The following SGCZ variants were observed in gnomAD, a reference collection of about 807,000 sequenced individuals.
SGCZ encodes zeta-sarcoglycan.
Under a neutral mutation model 41.3 loss-of-function variants are expected in SGCZ, and 40 were observed. The observed-to-expected ratio is 0.97, with a 90% CI of 0.75 to 1.26. The LOEUF is 1.26. SGCZ is among the 50% of genes most tolerant of loss of function. The pLI, the probability that SGCZ is intolerant of heterozygous loss-of-function variation, is 0.00. For synonymous variants in SGCZ, 206 were observed against 137.5 expected, an observed-to-expected ratio of 1.50 and a Z score of -3.49; for missense variants, 552 against 369.8, an observed-to-expected ratio of 1.49 and a Z score of -4.04.
chr8:15,133,616 C>A (rs1219669492), intron 1 of SGCZ, among the ~76,000 whole-genome samples: 1 of 152,208 alleles, frequency 6.6e-6, no homozygotes, highest in Non-Finnish European at 1.5e-5. Flanking sequence ...AAAACAAAAT[C>A]TGCCACATAA....
chr8:15,100,794 G>A lies in SGCZ; in HGVS notation c.39+136791C>T, dbSNP rs567116962. Among the ~76,000 whole-genome samples the A allele has an allele frequency of 8.5e-5, 13 of 152,172 alleles. No individual in the cohort carries two copies. The South Asian group carries it at 2.7e-3, about 32-fold the overall frequency. ...CCCCAGAAATTCAAGTCCGGCCTGGGCAATGAAGTGAGACCCTGTCTCTAC... is the reference window on the plus strand; with the variant it reads ...CCCCAGAAATTCAAGTCCGGCCTGGACAATGAAGTGAGACCCTGTCTCTAC... On this transcript the variant is annotated intron_variant, in intron 1 of 7. Transcript: ENST00000382080.
chr8:14,463,529 A>G (rs1199268251), intron 2 of SGCZ, among the ~76,000 whole-genome samples: 2 of 151,668 alleles, frequency 1.3e-5, no homozygotes, highest in Non-Finnish European at 3.0e-5. Context: ...ATCTAAAACT[A>G]TAAAATTTTT....
chr8:14,100,894 C>T (rs1377202948), intron 7 of SGCZ, among the ~76,000 whole-genome samples: 1 of 151,606 alleles, frequency 6.6e-6, no homozygotes, highest in Non-Finnish European at 1.5e-5. Flanking sequence ...CTCAATTTGA[C>T]CTTTGTGGGC....
intron 2 of SGCZ, among the ~76,000 whole-genome samples, chr8:14,340,076 A>C (rs1554502637): frequency 6.6e-6 from 1 of 152,196 alleles, no homozygotes; most frequent in Non-Finnish European, 1.5e-5. Context: ...AAAATAAAGC[A>C]AAATCTGCTG....
At chr8:14,389,247 G>A (rs893608024) in intron 2 of SGCZ, among the ~76,000 whole-genome samples, 1 of 151,774 alleles carries the variant, frequency 6.6e-6, no homozygotes, top group African/African-American at 2.4e-5. Flanking sequence ...ACGACTGAGA[G>A]TATAATTTGA....
intron 3 of SGCZ, among the ~76,000 whole-genome samples, chr8:14,241,224 A>G (rs1585268548): frequency 6.6e-6 from 1 of 152,010 alleles, no homozygotes; most frequent in Non-Finnish European, 1.5e-5. Context: ...TTGAAAGCGA[A>G]TATGTGGTTT....
chr8:15,021,578 C>G (rs12550664), intron 1 of SGCZ, among the ~76,000 whole-genome samples: 1 of 151,948 alleles, frequency 6.6e-6, no homozygotes, highest in East Asian at 1.9e-4. Flanking sequence ...TCTACTGAAA[C>G]ACTGTATGGG....
intron 1 of SGCZ, among the ~76,000 whole-genome samples, chr8:15,003,800 C>G (rs1802508108): frequency 6.6e-6 from 1 of 152,014 alleles, no homozygotes; most frequent in African/African-American, 2.4e-5. Context: ...TGCCCAGGCC[C>G]AGTGAGTAAT....
chr8:14,285,219 C>G (rs543768359), intron 3 of SGCZ, among the ~76,000 whole-genome samples: 1 of 152,078 alleles, frequency 6.6e-6, no homozygotes, highest in Non-Finnish European at 1.5e-5. Flanking sequence ...ATATATGTGT[C>G]ATTTCATTCA....
intron 1 of SGCZ, among the ~76,000 whole-genome samples, chr8:15,184,326 C>T (rs566906654): frequency 6.6e-6 from 1 of 152,038 alleles, no homozygotes. Context: ...AGTTAGGACA[C>T]GAACATGCAA....
intron 1 of SGCZ, among the ~76,000 whole-genome samples, chr8:14,770,469 T>C (rs916290782): frequency 2.6e-5 from 4 of 151,786 alleles, no homozygotes; most frequent in African/African-American, 9.7e-5. Flanking sequence ...AACTCATGTA[T>C]GATTGCCATA....
At chr8:14,551,459 ATATATTATATATAT>A (rs1458041119) in intron 2 of SGCZ, among the ~76,000 whole-genome samples, 813 of 7,544 alleles carry the variant, frequency 0.11, 140 homozygotes, top group East Asian at 0.38. Flanking sequence ...TATATATTAT[ATATATTATATATAT>A]TATATATTAT....
intron 4 of SGCZ, among the ~76,000 whole-genome samples, chr8:14,221,956 G>A (rs1402498388): frequency 4.7e-5 from 7 of 149,068 alleles, no homozygotes; most frequent in Non-Finnish European, 7.4e-5. Flanking sequence ...GTGAGACTCT[G>A]TCTCAAAAGA....
At chr8:15,116,968 T>G (rs1016691368) in intron 1 of SGCZ, among the ~76,000 whole-genome samples, 1 of 152,222 alleles carries the variant, frequency 6.6e-6, no homozygotes, top group East Asian at 1.9e-4. Flanking sequence ...CATTTATGAA[T>G]TTTTATGCCA....
chr8:14,313,487 T>C lies in SGCZ; in HGVS notation c.336+10616A>G, dbSNP rs562635385. Among the ~76,000 whole-genome samples, 6 of 152,142 alleles carry C rather than the reference T, an allele frequency of 3.9e-5. No homozygotes were observed. In the South Asian group the frequency reaches 1.2e-3, roughly 32 times the overall value. On this transcript the variant is annotated intron_variant, in intron 3 of 7. Transcript: ENST00000382080. ...GTAAGCCACCATGCCCAGCTAATTT[T>C]TGTATTTTTAGTAGTGACAAGGCTT... is the stretch of plus-strand genomic sequence containing the variant.
At chr8:15,207,740 A>G (rs1483266714) in intron 1 of SGCZ, among the ~76,000 whole-genome samples, 5 of 152,206 alleles carry the variant, frequency 3.3e-5, no homozygotes, top group African/African-American at 7.2e-5. Context: ...CAGAAAGAAC[A>G]GTAAGATTTA....
At chr8:14,505,446 T>G (rs979452138) in intron 2 of SGCZ, among the ~76,000 whole-genome samples, 4 of 152,156 alleles carry the variant, frequency 2.6e-5, no homozygotes, top group Non-Finnish European at 5.9e-5. Flanking sequence ...GTTTCTTTTC[T>G]ATGTTATGGC....
At chr8:14,753,127 C>T (rs925849087) in intron 1 of SGCZ, among the ~76,000 whole-genome samples, 1 of 152,162 alleles carries the variant, frequency 6.6e-6, no homozygotes, top group Non-Finnish European at 1.5e-5. Context: ...GCTAATCTCA[C>T]GTGCATTTCT....
chr8:14,638,694 T>G (rs1378523423), intron 1 of SGCZ, among the ~76,000 whole-genome samples: 2 of 151,790 alleles, frequency 1.3e-5, no homozygotes, highest in African/African-American at 4.8e-5. Flanking sequence ...TTTTCTCCCC[T>G]GACAGATATC....
Sources: allele counts gnomAD v4.1 joint callset (sites outside exome capture counted in the v4.1 genomes callset), GRCh38; gene constraint gnomAD v4.1.1; transcripts MANE v1.5; gene names NCBI Gene and HGNC (gene_info 2026-07-23, HGNC 2026-07-21).